KYAT3: variants seen among roughly 807,000 people sequenced by gnomAD.
KYAT3 encodes the protein kynurenine aminotransferase 3.
A neutral mutation model predicts 59.0 loss-of-function variants in KYAT3; 50 were observed. The ratio of observed to expected loss-of-function variants is 0.85; its 90% CI spans 0.68 to 1.07. KYAT3 has a LOEUF of 1.07. Among genes scored for constraint, KYAT3 ranks in the 50% least tolerant of loss-of-function variants. The pLI is 0.00. For missense variants in KYAT3, 497 were observed against 533.3 expected (o/e 0.93, Z 0.67); for synonymous variants, 148 against 177.0 (o/e 0.84, Z 1.30).
downstream of KYAT3, among the ~76,000 whole-genome samples, chr1:88,935,372 GAGA>G (rs1404023951): frequency 1.1e-4 from 12 of 112,048 alleles, no homozygotes; most frequent in African/African-American, 3.9e-4. Context: ...GAGAGAGAGA[GAGA>G]GAAAAAAAAA....
At chr1:88,937,710 T>C (rs1487485286) in intron 13 of KYAT3, among the ~76,000 whole-genome samples, 1 of 152,150 alleles carries the variant, frequency 6.6e-6, no homozygotes, top group Non-Finnish European at 1.5e-5. Context: ...GTAATAGGAA[T>C]AAATGAAATC....
At chr1:88,927,075 G>A in the KYAT3 span, among the ~76,000 whole-genome samples, 3 of 152,258 alleles carry the variant, frequency 2.0e-5, no homozygotes, top group East Asian at 1.9e-4. Context: ...TAACTAATCC[G>A]ATAAGCAGAG....
chr1:88,979,693 G>C (rs771299177), intron 2 of KYAT3: 1 of 152,190 alleles, frequency 6.6e-6, no homozygotes, highest in African/African-American at 2.4e-5. Context: ...AGTGTTGGCA[G>C]TTGGAACTCT....
chr1:88,933,164 CT>C (rs1204218373), downstream of KYAT3, among the ~76,000 whole-genome samples: 1 of 152,182 alleles, frequency 6.6e-6, no homozygotes, highest in East Asian at 1.9e-4. Flanking sequence ...CTTTATTCTG[CT>C]CTAGTTCTTT....
At chr1:88,922,662 GA>G in the KYAT3 span, among the ~76,000 whole-genome samples, 2 of 152,154 alleles carry the variant, frequency 1.3e-5, no homozygotes, top group African/African-American at 4.8e-5. Flanking sequence ...TCCATCCATG[GA>G]AAAATTGTTT....
chr1:88,934,655 G>A (rs889673741), downstream of KYAT3, among the ~76,000 whole-genome samples: 2 of 152,194 alleles, frequency 1.3e-5, no homozygotes, highest in African/African-American at 4.8e-5. Context: ...AGCTGAGATA[G>A]AACAATGGTG....
chr1:88,936,314 A>G, intron 13 of KYAT3, 69 bp from the exon 14 acceptor site: 3 of 1,126,656 alleles, frequency 2.7e-6, no homozygotes, highest in Non-Finnish European at 3.9e-6. Flanking sequence ...AAAGATTTAA[A>G]TATACAACAT....
chr1:88,986,171 G>C (rs540927403), intron 2 of KYAT3, among the ~76,000 whole-genome samples: 11 of 140,136 alleles, frequency 7.8e-5, no homozygotes, highest in Middle Eastern at 7.5e-3. Flanking sequence ...GCAAGAGTGA[G>C]AGACTGTATG....
chr1:88,949,250 C>G lies in KYAT3; in HGVS notation c.982G>C (p.Asp328His). 2.5e-6 allele frequency: 4 copies of G among 1,570,274 alleles called. No homozygotes were observed. Among genetic ancestry groups the G allele is most frequent in the Non-Finnish European group, 3.4e-6 (4 of 1,164,326 alleles). ...QEALAQAFWI[D>H]IKRMDDPECY... The stretch of plus-strand genomic sequence containing the variant: ...TCTGGGTCATCCATGCGCTTGATGT[C>G]AATCCAGAAAGCTTGAGCCAAGGCT... Residue 328 changes from aspartate to histidine, a missense_variant, in exon 11 of 14, where the codon GAC becomes CAC. Physicochemically the swap from Asp to His is moderately conservative, Grantham distance 81 (BLOSUM62 -1). Transcript: ENST00000260508.
At chr1:88,977,573 A>G (rs760135591) in intron 2 of KYAT3, among the ~76,000 whole-genome samples, 1 of 152,204 alleles carries the variant, frequency 6.6e-6, no homozygotes. Flanking sequence ...TCCTGACCTC[A>G]GGTGATCCAC....
chr1:88,931,227 C>T (rs1161636012), downstream of KYAT3, among the ~76,000 whole-genome samples: 1 of 152,184 alleles, frequency 6.6e-6, no homozygotes, highest in Non-Finnish European at 1.5e-5. Context: ...TAGTCAGGGC[C>T]TGTGAAGTGT....
intron 2 of KYAT3, among the ~76,000 whole-genome samples, chr1:88,973,510 G>A (rs1311604002): frequency 6.6e-6 from 1 of 152,174 alleles, no homozygotes; most frequent in African/African-American, 2.4e-5. Flanking sequence ...CAGGGCATGA[G>A]TCCCAGGCAA....
chr1:88,925,257 T>C, the KYAT3 span, among the ~76,000 whole-genome samples: 14,683 of 152,268 alleles, frequency 0.096, 778 homozygotes, highest in Middle Eastern at 0.18. Context: ...GTTGAGATCA[T>C]GGCACAGCCA....
chr1:88,977,010 G>A (rs894433469), intron 2 of KYAT3, among the ~76,000 whole-genome samples: 3 of 151,882 alleles, frequency 2.0e-5, no homozygotes, highest in African/African-American at 7.3e-5. Context: ...AAGAAGAAAG[G>A]TTCTGTTCTG....
chr1:88,946,201 C>T (rs1472732850), intron 11 of KYAT3, among the ~76,000 whole-genome samples: 1 of 152,178 alleles, frequency 6.6e-6, no homozygotes, highest in African/African-American at 2.4e-5. Flanking sequence ...AACTACGCAA[C>T]TAATTTCATT....
intron 1 of KYAT3, among the ~76,000 whole-genome samples, chr1:88,992,270 C>A (rs1057340040): frequency 2.6e-5 from 4 of 152,126 alleles, no homozygotes; most frequent in Non-Finnish European, 5.9e-5. Flanking sequence ...GAGCCTCTTT[C>A]GTATTTTTAA....
chr1:88,962,877 C>T (rs1003297471), intron 5 of KYAT3, among the ~76,000 whole-genome samples: 42 of 151,882 alleles, frequency 2.8e-4, no homozygotes, highest in African/African-American at 9.0e-4. Context: ...AAGGTGAGAG[C>T]ACAATAAAGG....
rs77285828 is a variant in KYAT3 at position 88,987,051 on chromosome 1, C to T, written c.99+1201G>A. 2.6e-4 allele frequency among the ~76,000 whole-genome samples: 39 copies of T among 152,260 alleles called. 2 individuals are homozygous for T. In the East Asian group the frequency reaches 7.5e-3, roughly 29 times the overall value. ...GGTATGGAGAGGGGTTAGTGCTATC[C>T]CAAATAGTCCACAAGTTTGAATAAT... is the stretch of plus-strand genomic sequence containing the variant. On this transcript the variant is annotated intron_variant, in intron 2 of 13. Transcript: ENST00000260508.
intron 10 of KYAT3, among the ~76,000 whole-genome samples, chr1:88,951,537 T>G (rs1675672157): frequency 6.6e-6 from 1 of 152,020 alleles, no homozygotes; most frequent in African/African-American, 2.4e-5. Flanking sequence ...GCCTGGTTCT[T>G]TTGCCCTTTT....
Sources: gnomAD v4.1 joint callset for allele counts (sites outside exome capture counted in the v4.1 genomes callset) on GRCh38, gnomAD v4.1.1 for gene constraint, MANE v1.5 for transcripts, NCBI Gene and HGNC (gene_info 2026-07-23, HGNC 2026-07-21) for gene names.